Variants in ST6GAL1 observed in about 807,000 individuals in gnomAD.
The protein encoded by ST6GAL1 is beta-galactoside alpha-2,6-sialyltransferase 1.
In ST6GAL1, 20 loss-of-function variants were observed where a neutral mutation model predicts 38.0. The ratio of observed to expected loss-of-function variants is 0.53; its 90% confidence interval spans 0.37 to 0.77. The LOEUF is 0.77. Ranked by LOEUF, ST6GAL1 falls within the 30% of genes least tolerant of loss-of-function variation. The pLI is 0.00. For missense variants in ST6GAL1, 432 were observed against 496.4 expected (o/e 0.87, Z 1.23); for synonymous variants, 196 against 188.2 (o/e 1.04, Z -0.34).
At chr3:187,009,480 A>G (rs955054328) in intron 2 of ST6GAL1, among the ~76,000 whole-genome samples, 3 of 152,004 alleles carry the variant, frequency 2.0e-5, no homozygotes, top group Admixed American at 2.0e-4. Context: ...TTATTTTAAA[A>G]CTTTATCTGA....
At chr3:186,984,857 T>TTCCTTCCTTCCG (rs1395879332) in intron 2 of ST6GAL1, among the ~76,000 whole-genome samples, 2 of 128,180 alleles carry the variant, frequency 1.6e-5, no homozygotes, top group Non-Finnish European at 3.3e-5. Flanking sequence ...CCTTCCTTCC[T>TTCCTTCCTTCCG]TCCTTCCTTC....
At chr3:187,051,444 T>G in intron 5 of ST6GAL1, 98 bp downstream of exon 5, 4 of 1,092,768 alleles carry the variant, frequency 3.7e-6, no homozygotes, top group Non-Finnish European at 5.4e-6. Flanking sequence ...GGCTGCCAAT[T>G]AAGTCTCTTG....
At chr3:187,024,296 A>G (rs1207122874) in intron 2 of ST6GAL1, among the ~76,000 whole-genome samples, 2 of 151,416 alleles carry the variant, frequency 1.3e-5, no homozygotes, top group Admixed American at 6.6e-5. Context: ...GGGTTTCACC[A>G]TGTTAGCCAG....
At chr3:186,975,524 G>C (rs936458265) in intron 2 of ST6GAL1, among the ~76,000 whole-genome samples, 3 of 152,150 alleles carry the variant, frequency 2.0e-5, no homozygotes, top group Admixed American at 6.6e-5. Flanking sequence ...GTTCGTACCT[G>C]CCTGGCCATC....
chr3:187,057,121 C>T (rs985468903), intron 5 of ST6GAL1, among the ~76,000 whole-genome samples: 14 of 152,130 alleles, frequency 9.2e-5, no homozygotes, highest in South Asian at 2.1e-4. Context: ...GCATGCATCT[C>T]GTAGTTCTTA....
intron 1 of ST6GAL1, among the ~76,000 whole-genome samples, chr3:186,951,033 G>C (rs540752851): frequency 6.6e-6 from 1 of 152,278 alleles, no homozygotes; most frequent in South Asian, 2.1e-4. Flanking sequence ...CTGTAGAAAA[G>C]CATAGTGTCA....
intron 2 of ST6GAL1, among the ~76,000 whole-genome samples, chr3:187,022,245 G>A (rs1001013208): frequency 7.9e-5 from 12 of 152,094 alleles, no homozygotes; most frequent in East Asian, 1.9e-4. Flanking sequence ...GCTGCTTGGT[G>A]TTGGGGTGGG....
chr3:186,997,699 G>A (rs994508391), intron 2 of ST6GAL1, among the ~76,000 whole-genome samples: 2 of 151,768 alleles, frequency 1.3e-5, no homozygotes, highest in Admixed American at 6.6e-5. Flanking sequence ...CGAGGCTGCA[G>A]TGAGCCGCAA....
intron 2 of ST6GAL1, among the ~76,000 whole-genome samples, chr3:186,992,800 A>G (rs1348666206): frequency 1.0e-5 from 1 of 99,026 alleles, no homozygotes; most frequent in Non-Finnish European, 2.2e-5. Flanking sequence ...TGTCTCAAAA[A>G]CAACAACAAC....
chr3:186,971,844 C>A (rs971277475), intron 2 of ST6GAL1, among the ~76,000 whole-genome samples: 4 of 152,218 alleles, frequency 2.6e-5, no homozygotes, highest in African/African-American at 9.6e-5. Context: ...GTTGAAGAAA[C>A]CTCTAGAGTT....
chr3:186,993,161 C>T (rs1437522514), intron 2 of ST6GAL1, among the ~76,000 whole-genome samples: 1 of 152,210 alleles, frequency 6.6e-6, no homozygotes. Flanking sequence ...ACTCGATAAA[C>T]ACCTGCATGG....
At position 187,075,517 on chromosome 3, in the gene ST6GAL1, T is replaced by TG. The variant is rs1339771776; in HGVS notation, c.980-41dup. ...CCCACTGGGCAGAGCTCTGGGGTGCTGGGGTGGGTTGTCAGGCATGACTCA... is the reference window on the plus strand; with the variant it reads ...CCCACTGGGCAGAGCTCTGGGGTGCTGGGGGTGGGTTGTCAGGCATGACTCA... On this transcript the variant is annotated intron_variant, in intron 7 of 7. Coordinates refer to ENST00000169298, the MANE Select transcript of ST6GAL1 (RefSeq NM_173216.2). The surrounding 1 kb of genome is among the most constrained non-coding windows in gnomAD (Gnocchi z 4.1). 1 of 1,604,120 alleles carries TG rather than the reference T, an allele frequency of 6.2e-7. No homozygotes were observed. Among genetic ancestry groups the TG allele is most frequent in the Non-Finnish European group, 8.5e-7 (1 of 1,173,060 alleles).
chr3:186,961,917 C>T (rs1398354135), intron 1 of ST6GAL1, among the ~76,000 whole-genome samples: 1 of 152,174 alleles, frequency 6.6e-6, no homozygotes, highest in Non-Finnish European at 1.5e-5. Flanking sequence ...CTTGTTCCCC[C>T]AGGAGGGCTC....
intron 3 of ST6GAL1, among the ~76,000 whole-genome samples, chr3:187,042,121 C>A (rs957937125): frequency 6.6e-6 from 1 of 152,066 alleles, no homozygotes; most frequent in Non-Finnish European, 1.5e-5. Context: ...AACGAGAAGT[C>A]TTTTTCTGGC....
At position 187,074,342 on chromosome 3, in the gene ST6GAL1, A is replaced by C. The variant is rs1719488961; in HGVS notation, c.979+9A>C. 2 of 1,558,382 alleles carry C rather than the reference A, an allele frequency of 1.3e-6. No individual in the cohort carries two copies. Among genetic ancestry groups the C allele is most frequent in the African/African-American group, 1.4e-5 (1 of 72,354 alleles). Reference sequence around the variant, plus strand: ...ATCCTCTGGGATGCTTGGTGAGTTCATGTCGGGGAAAAGACCTTGCATGTT... The same window carrying C: ...ATCCTCTGGGATGCTTGGTGAGTTCCTGTCGGGGAAAAGACCTTGCATGTT... On this transcript the variant is annotated intron_variant, in intron 7 of 7. Transcript: ENST00000169298.
Position 187,074,324 on chromosome 3 carries a change from G to T in ST6GAL1, c.970G>T (p.Gly324Trp). 6.3e-7 allele frequency: 1 copy of T among 1,588,140 alleles called. No individual in the cohort carries two copies. Among genetic ancestry groups the T allele is most frequent in the Non-Finnish European group, 8.6e-7 (1 of 1,169,522 alleles). The change falls in exon 7 of 8, where the codon GGG (glycine) becomes TGG (tryptophan). Residue 324 changes from glycine to tryptophan, a missense_variant. Coordinates refer to ENST00000169298, the MANE Select transcript of ST6GAL1 (RefSeq NM_173216.2). ...EEIQPNPPSS[G>W]MLGIIIMMTL... ...GATTCAGCCAAACCCCCCATCCTCT[G>T]GGATGCTTGGTGAGTTCATGTCGGG...
intron 1 of ST6GAL1, among the ~76,000 whole-genome samples, chr3:186,954,793 TA>T (rs2108522694): frequency 6.6e-6 from 1 of 152,326 alleles, no homozygotes; most frequent in South Asian, 2.1e-4. Flanking sequence ...CTGTTCACTC[TA>T]ATGATAGTTT....
intron 1 of ST6GAL1, among the ~76,000 whole-genome samples, chr3:186,945,948 G>A (rs1185621310): frequency 3.0e-5 from 4 of 131,522 alleles, no homozygotes; most frequent in East Asian, 2.5e-4. Context: ...CCGAGATCGC[G>A]CCACTGCACT....
chr3:186,967,199 CGTTT>C (rs886223061), intron 2 of ST6GAL1, among the ~76,000 whole-genome samples: 1 of 151,824 alleles, frequency 6.6e-6, no homozygotes, highest in African/African-American at 2.4e-5. Flanking sequence ...TTTGTTTGTT[CGTTT>C]GTTTTTTAGA....
Sources: allele counts gnomAD v4.1 joint callset (sites outside exome capture counted in the v4.1 genomes callset), GRCh38; gene constraint gnomAD v4.1.1; non-coding constraint Gnocchi (gnomAD v3.1); transcripts MANE v1.5; gene names NCBI Gene and HGNC (gene_info 2026-07-23, HGNC 2026-07-21).